Variants in MOCS2 observed in about 807,000 individuals in gnomAD.
The protein encoded by MOCS2 is molybdopterin synthase catalytic subunit.
Under a neutral mutation model 21.9 loss-of-function variants are expected in MOCS2, and 13 were observed. The ratio of observed to expected loss-of-function variants is 0.59; its 90% CI spans 0.39 to 0.94. The LOEUF is 0.94. Among genes scored for constraint, MOCS2 ranks in the 40% least tolerant of loss-of-function variants. The pLI is 0.00. For synonymous variants in MOCS2, 92 were observed against 80.8 expected (o/e 1.14, Z -0.74); for missense variants, 227 against 218.3 (o/e 1.04, Z -0.25).
chr5:53,109,553 G>C lies in MOCS2; in HGVS notation c.-472C>G. ...GCCCGGAGACAGGAAGGGCCCGGGG[G>C]CGGGGGCGGGGGCGCCCCCGAACCC... is the stretch of plus-strand genomic sequence containing the variant. On this transcript the variant is annotated 5_prime_UTR_variant, in exon 1 of 7. Coordinates refer to ENST00000396954, the MANE Select transcript of MOCS2 (RefSeq NM_004531.5). The C allele has an allele frequency of 7.2e-7, 1 of 1,396,392 alleles. No homozygotes were observed. The allele number at this position is 1,396,392 out of a possible 1,614,324, so 86.5% of individuals were successfully genotyped here. A position where few individuals can be genotyped will look rare whatever the true frequency, so the allele number is the denominator to read the frequency against.
Position 53,100,420 on chromosome 5 carries a change from T to C in MOCS2, c.492A>G (p.Ile164Met). 4 of 1,613,812 alleles carry C rather than the reference T, an allele frequency of 2.5e-6. No individual in the cohort carries two copies. The highest frequency in any genetic ancestry group is 2.5e-6 in the Non-Finnish European group (3 of 1,179,758). Residue 164 changes from isoleucine to methionine, a missense_variant, in exon 6 of 7, where the codon ATA becomes ATG. Coordinates refer to ENST00000396954, the MANE Select transcript of MOCS2 (RefSeq NM_004531.5). ...AIDTLKAKVP[I>M]WKKEIYEESS... ...TATTTTCTTAACTTACCTTTTTCCA[T>C]ATGGGCACCTTGGCTTTTAAAGTAT...
chr5:53,101,518 A>G lies in MOCS2; in HGVS notation c.227-9T>C, dbSNP rs761210016. On this transcript the variant is annotated splice_polypyrimidine_tract_variant and intron_variant, in intron 4 of 6. Coordinates refer to ENST00000396954, the MANE Select transcript of MOCS2 (RefSeq NM_004531.5). ...GTTATTTCTTGTAGTCCCTTTAAAA[A>G]TGAAAAAAAAGAAAAAGAAAACAAT... 6.4e-7 allele frequency: 1 copy of G among 1,570,538 alleles called. No homozygotes were observed. Among genetic ancestry groups the G allele is most frequent in the South Asian group, 1.1e-5 (1 of 88,258 alleles).
chr5:53,096,853 A>C lies in MOCS2; in HGVS notation c.*1749T>G, dbSNP rs1252530254. ...GTTCTTTAAAAACATCATTACCCTC[A>C]ATAAGGAACTTCTAAAGAAATATCT... On this transcript the variant is annotated 3_prime_UTR_variant, in exon 7 of 7. Coordinates refer to ENST00000396954, the MANE Select transcript of MOCS2 (RefSeq NM_004531.5). 2 of 152,244 alleles carry C rather than the reference A, an allele frequency of 1.3e-5. No individual in the cohort carries two copies. Among genetic ancestry groups the C allele is most frequent in the Non-Finnish European group, 2.9e-5 (2 of 68,038 alleles). The allele number at this position is 152,244 out of a possible 1,614,324, so 9.4% of individuals were successfully genotyped here. A position where few individuals can be genotyped will look rare whatever the true frequency, so the allele number is the denominator to read the frequency against.
In MOCS2 at chr5:53,109,734, C is replaced by T. The variant is rs1194237166; in HGVS notation, c.-653G>A. 1.3e-6 allele frequency: 2 copies of T among 1,550,220 alleles called. No homozygotes were observed. Among genetic ancestry groups the T allele is most frequent in the Admixed American group, 2.0e-5 (1 of 51,128 alleles). On this transcript the variant is annotated 5_prime_UTR_variant, in exon 1 of 7. Coordinates refer to ENST00000396954, the MANE Select transcript of MOCS2 (RefSeq NM_004531.5). ...TACCTGGCACAGCGGCACCATCCCG[C>T]CTAGGACAGCGGGACCGAATCACGG...
chr5:53,103,995 A>C (rs1740987066), intron 3 of MOCS2, among the ~76,000 whole-genome samples: 1 of 152,230 alleles, frequency 6.6e-6, no homozygotes, highest in African/African-American at 2.4e-5. Context: ...AGAATCTTGC[A>C]GGCAATGAGG....
At position 53,102,174 on chromosome 5, in the gene MOCS2, G is replaced by C; in HGVS notation, c.149C>G (p.Thr50Ser). 1.2e-6 allele frequency: 2 copies of C among 1,612,576 alleles called. No homozygotes were observed. Among genetic ancestry groups the C allele is most frequent in the Middle Eastern group, 3.3e-4 (2 of 6,058 alleles). ...EEKSKDVINF[T>S]AEKLSVDEVS... ...TTCATCTACTGAAAGTTTCTCGGCA[G>C]TAAAGTTTATAACATCTTTAGATTT... Residue 50 changes from threonine to serine, a missense_variant, in exon 4 of 7, where the codon ACT becomes AGT. Coordinates refer to ENST00000396954, the MANE Select transcript of MOCS2 (RefSeq NM_004531.5).
chr5:53,097,435 C>A lies in MOCS2; in HGVS notation c.*1167G>T, dbSNP rs549157684. ...CTACATATAACAAATAGGATTACTACGTTTCTTATTTGTCCCAGACATAAG... is the reference window on the plus strand; with the variant it reads ...CTACATATAACAAATAGGATTACTAAGTTTCTTATTTGTCCCAGACATAAG... On this transcript the variant is annotated 3_prime_UTR_variant, in exon 7 of 7. Transcript: ENST00000396954. 6.6e-6 allele frequency: 1 copy of A among 152,150 alleles called. No homozygotes were observed. Among genetic ancestry groups the A allele is most frequent in the Non-Finnish European group, 1.5e-5 (1 of 68,030 alleles). 9.4% of individuals were successfully genotyped at this position (152,150 alleles called of 1,614,324 possible).
Position 53,101,434 on chromosome 5 carries a change from T to C in MOCS2, c.302A>G (p.Asn101Ser), listed in dbSNP as rs1740904126. 7 of 1,613,500 alleles carry C rather than the reference T, an allele frequency of 4.3e-6. No homozygotes were observed. The highest frequency in any genetic ancestry group is 5.9e-6 in the Non-Finnish European group (7 of 1,179,620). Residue 101 changes from asparagine (N) to serine (S), a missense_variant, in exon 5 of 7, where the codon AAT becomes AGT. Coordinates refer to ENST00000396954, the MANE Select transcript of MOCS2 (RefSeq NM_004531.5). ...GTCACTACAAATCTTTCTGACTTCA[T>C]TTTCCGCCATGGGTAGATATGCTTC... ...EYEAYLPMAE[N>S]EVRKICSDIR...
intron 3 of MOCS2, among the ~76,000 whole-genome samples, chr5:53,102,855 G>A (rs1216488286): frequency 6.6e-6 from 1 of 151,916 alleles, no homozygotes; most frequent in African/African-American, 2.4e-5. Context: ...GGCTGAGGCA[G>A]GAGAATTGCT....
At chr5:53,105,175 G>T (rs1321285174) in intron 3 of MOCS2, among the ~76,000 whole-genome samples, 1 of 152,066 alleles carries the variant, frequency 6.6e-6, no homozygotes, top group Non-Finnish European at 1.5e-5. Flanking sequence ...CCATGGCCGG[G>T]AGAGCTATTA....
intron 6 of MOCS2, 69 bp downstream of exon 6, chr5:53,100,342 G>A (rs1401034047): frequency 3.2e-6 from 5 of 1,550,878 alleles, no homozygotes; most frequent in Non-Finnish European, 4.4e-6. Context: ...TAAATATGGG[G>A]GGATTTATCT....
rs546177852 is a variant in MOCS2 at position 53,107,151 on chromosome 5, G to A, written c.24C>T (p.Ser8=). Residue 8 remains serine (S), a synonymous_variant, in exon 3 of 7, where the codon TCC becomes TCT. Coordinates refer to ENST00000396954, the MANE Select transcript of MOCS2 (RefSeq NM_004531.5). MSSLEIS[S]SCFSLETKLP... is the part of the protein sequence containing the mutation. ...ATTTCGTCTCCAGGCTGAAGCACGA[G>A]GAGCTGATCTCCAAGCTCGACATAT... The A allele has an allele frequency of 2.5e-6, 4 of 1,614,066 alleles. No individual in the cohort carries two copies. The highest frequency in any genetic ancestry group is 2.2e-5 in the South Asian group (2 of 91,080).
At position 53,107,069 on chromosome 5, in the gene MOCS2, T is replaced by A. The variant is rs758061344; in HGVS notation, c.98+8A>T. ...CACGACTGATTAAGAAAAACAAATC[T>A]CACATACCTAGATGGCTCAAAAGCA... On this transcript the variant is annotated splice_region_variant and intron_variant, in intron 3 of 6. Transcript: ENST00000396954. 2 of 1,613,904 alleles carry A rather than the reference T, an allele frequency of 1.2e-6. No homozygotes were observed. The highest frequency in any genetic ancestry group is 1.7e-6 in the Non-Finnish European group (2 of 1,179,948).
chr5:53,107,301 CATAGAT>C (rs1280207464), intron 2 of MOCS2, 80 bp from the exon 3 acceptor site: 29 of 1,285,776 alleles, frequency 2.3e-5, no homozygotes, highest in Non-Finnish European at 2.8e-5. Flanking sequence ...AGAGATATTA[CATAGAT>C]ATAATTATAT....
At chr5:53,109,123 T>G in intron 1 of MOCS2, 128 bp downstream of exon 1, 1 of 223,444 alleles carries the variant, frequency 4.5e-6, no homozygotes, top group Middle Eastern at 2.3e-3. Context: ...GATTAAGTTA[T>G]GCAACATAGT....
chr5:53,100,971 G>T (rs1393248078), intron 5 of MOCS2: 2 of 318,988 alleles, frequency 6.3e-6, no homozygotes, highest in African/African-American at 4.3e-5. Flanking sequence ...GTAACTAACA[G>T]AGTATGATAG....
intron 3 of MOCS2, among the ~76,000 whole-genome samples, chr5:53,102,707 G>A (rs2112085224): frequency 6.6e-6 from 1 of 152,256 alleles, no homozygotes; most frequent in Middle Eastern, 3.4e-3. Context: ...ACCACTTTGG[G>A]AGGCCGAGGC....
chr5:53,107,576 G>C (rs1011673473), intron 2 of MOCS2: 3 of 247,576 alleles, frequency 1.2e-5, no homozygotes, highest in Non-Finnish European at 2.4e-5. Context: ...CTATCCATGT[G>C]TTCAAGCACA....
At chr5:53,098,796 CGA>C (rs1162090590) in intron 6 of MOCS2, 129 bp from the exon 7 acceptor site, 1 of 736,078 alleles carries the variant, frequency 1.4e-6, no homozygotes, top group Non-Finnish European at 2.4e-6. Context: ...ACAATCATGA[CGA>C]GAGACATCAT....
Sources: gnomAD v4.1 joint callset for allele counts (sites outside exome capture counted in the v4.1 genomes callset) on GRCh38, gnomAD v4.1.1 for gene constraint, MANE v1.5 for transcripts, NCBI Gene and HGNC (gene_info 2026-07-23, HGNC 2026-07-21) for gene names.